The following SLC2A13 variants were observed in gnomAD, a reference collection of about 807,000 sequenced individuals.
SLC2A13 encodes the protein proton myo-inositol cotransporter.
Under a neutral mutation model 64.4 loss-of-function variants are expected in SLC2A13, and 32 were observed. The ratio of observed to expected loss-of-function variants is 0.50; its 90% CI spans 0.37 to 0.67. The LOEUF is 0.67. SLC2A13 is among the 30% of genes least tolerant of loss of function. The probability of loss-of-function intolerance (pLI) is 0.00; values close to 1 mark genes in which losing one functional copy is unlikely to be tolerated. For missense variants in SLC2A13, 743 were observed against 829.2 expected (o/e 0.90, Z 1.28); for synonymous variants, 338 against 327.1 (o/e 1.03, Z -0.36).
chr12:39,909,860 T>C (rs568196237), intron 4 of SLC2A13, among the ~76,000 whole-genome samples: 3 of 130,234 alleles, frequency 2.3e-5, no homozygotes, highest in Non-Finnish European at 4.7e-5. Context: ...TTACAGTTTG[T>C]TTTTTTTTTT....
chr12:39,811,863 T>C (rs1230033518), intron 7 of SLC2A13, among the ~76,000 whole-genome samples: 1 of 152,228 alleles, frequency 6.6e-6, no homozygotes, highest in East Asian at 1.9e-4. Flanking sequence ...GCATTTGTTT[T>C]CATGTCTAAT....
intron 1 of SLC2A13, among the ~76,000 whole-genome samples, chr12:40,074,666 T>C (rs17442353): frequency 0.04 from 6,036 of 152,308 alleles, 160 homozygotes; most frequent in Non-Finnish European, 0.055. Context: ...CTGAGTTTGA[T>C]TCTGATGTTT....
rs547101572 is a variant in SLC2A13 at position 40,039,073 on chromosome 12, C to G, written c.716+8978G>C. Among the ~76,000 whole-genome samples the G allele has an allele frequency of 1.1e-3, 160 of 152,318 alleles. 1 individual carries two copies. Among genetic ancestry groups the G allele is most frequent in the Non-Finnish European group, 1.7e-3 (114 of 68,028 alleles). ...TAAGTGCATTCACACTGCTGGCTAA[C>G]TGCCAGCTGATAATTTTTGCTTCAT... On this transcript the variant is annotated intron_variant, in intron 2 of 9. Coordinates refer to ENST00000280871, the MANE Select transcript of SLC2A13 (RefSeq NM_052885.4).
At chr12:39,996,629 C>T (rs1947235733) in intron 3 of SLC2A13, among the ~76,000 whole-genome samples, 1 of 152,162 alleles carries the variant, frequency 6.6e-6, no homozygotes, top group South Asian at 2.1e-4. Context: ...CCACTTGGTG[C>T]CCTGTATTCC....
intron 1 of SLC2A13, among the ~76,000 whole-genome samples, chr12:40,101,720 A>T (rs1565628270): frequency 6.6e-6 from 1 of 152,044 alleles, no homozygotes; most frequent in Admixed American, 6.5e-5. Flanking sequence ...ACCCTCACTC[A>T]TCTATGCTTC....
intron 3 of SLC2A13, among the ~76,000 whole-genome samples, chr12:39,976,724 T>G (rs893008261): frequency 1.3e-5 from 2 of 152,204 alleles, no homozygotes; most frequent in African/African-American, 4.8e-5. Flanking sequence ...ATCATCAGTA[T>G]GTCATTTTTG....
chr12:39,832,589 C>G (rs1454762288), intron 6 of SLC2A13, among the ~76,000 whole-genome samples: 2 of 151,984 alleles, frequency 1.3e-5, no homozygotes, highest in African/African-American at 4.8e-5. Flanking sequence ...TTCCTGTGAC[C>G]TACTATGTGC....
At chr12:39,926,902 A>G (rs1230001051) in intron 4 of SLC2A13, among the ~76,000 whole-genome samples, 1 of 152,224 alleles carries the variant, frequency 6.6e-6, no homozygotes, top group Non-Finnish European at 1.5e-5. Context: ...GACGTGAGCC[A>G]CCTGCATCCA....
chr12:39,805,966 A>G (rs963636481), intron 7 of SLC2A13, among the ~76,000 whole-genome samples: 1 of 152,196 alleles, frequency 6.6e-6, no homozygotes, highest in African/African-American at 2.4e-5. Context: ...CTATTCATTA[A>G]ACACTTTCCT....
Position 39,953,991 on chromosome 12 carries a change from T to A in SLC2A13, c.926-2626A>T, listed in dbSNP as rs1450616867. Among the ~76,000 whole-genome samples, 3 of 152,184 alleles carry A rather than the reference T, an allele frequency of 2.0e-5. No individual in the cohort carries two copies. In the East Asian group the frequency reaches 5.8e-4, roughly 29 times the overall value. Reference sequence around the variant, plus strand: ...TGATTAAAAATGCACTAAAAGCCAGTTTGTATAAAATTCCAGCTCTTGACT... The same window carrying A: ...TGATTAAAAATGCACTAAAAGCCAGATTGTATAAAATTCCAGCTCTTGACT... On this transcript the variant is annotated intron_variant, in intron 3 of 9. Transcript: ENST00000280871.
Position 39,813,683 on chromosome 12 carries a change from T to C in SLC2A13, c.1445+16420A>G, listed in dbSNP as rs1282709747. ...CAAATAAGGCCCATTCCTTGCCAAC[T>C]GTCTGTTTTTATTGGAGTAGTGGGG... is the stretch of plus-strand genomic sequence containing the variant. On this transcript the variant is annotated intron_variant, in intron 7 of 9. Coordinates refer to ENST00000280871, the MANE Select transcript of SLC2A13 (RefSeq NM_052885.4). 2.6e-5 allele frequency among the ~76,000 whole-genome samples: 4 copies of C among 152,224 alleles called. No homozygotes were observed. In the East Asian group the frequency reaches 7.7e-4, roughly 29 times the overall value.
intron 1 of SLC2A13, among the ~76,000 whole-genome samples, chr12:40,080,069 C>T (rs565791841): frequency 1.3e-5 from 2 of 152,278 alleles, no homozygotes; most frequent in South Asian, 4.1e-4. Context: ...ACCATGTTGG[C>T]CAGGCTGGTC....
At chr12:39,977,846 C>T (rs1946792149) in intron 3 of SLC2A13, among the ~76,000 whole-genome samples, 1 of 152,232 alleles carries the variant, frequency 6.6e-6, no homozygotes, top group Admixed American at 6.5e-5. Flanking sequence ...CAAGTTGTGG[C>T]TCAATCCAGG....
At chr12:40,001,062 T>A (rs1338254499) in intron 3 of SLC2A13, among the ~76,000 whole-genome samples, 1 of 152,232 alleles carries the variant, frequency 6.6e-6, no homozygotes, top group African/African-American at 2.4e-5. Flanking sequence ...TTTTAGCATA[T>A]GTAAACATCA....
rs1939966234 is a variant in SLC2A13, at chr12:39,756,263, A to G, written c.*3763T>C. The G allele has an allele frequency of 6.6e-6, 1 of 151,952 alleles. No homozygotes were observed. Among genetic ancestry groups the G allele is most frequent in the Non-Finnish European group, 1.5e-5 (1 of 67,778 alleles). 9.4% of individuals were successfully genotyped at this position (151,952 alleles called of 1,614,324 possible). On this transcript the variant is annotated 3_prime_UTR_variant, in exon 10 of 10. Transcript: ENST00000280871. ...TTTAATACATTTTGCTATAAAGCAC[A>G]TATTATAAATTCTCTGCTCCTGGTC...
At chr12:39,841,739 A>G (rs555895110) in intron 6 of SLC2A13, among the ~76,000 whole-genome samples, 159 of 152,114 alleles carry the variant, frequency 1.0e-3, no homozygotes, top group African/African-American at 3.7e-3. Flanking sequence ...TTTTTCAGAG[A>G]AAAAAACAGT....
intron 4 of SLC2A13, among the ~76,000 whole-genome samples, chr12:39,897,276 C>G (rs11174182): frequency 6.6e-6 from 1 of 152,108 alleles, no homozygotes; most frequent in Admixed American, 6.6e-5. Flanking sequence ...TTTAAAAGAA[C>G]GTGGTTATGC....
Position 39,757,581 on chromosome 12 carries a change from CTG to C in SLC2A13, c.*2443_*2444del, listed in dbSNP as rs1213656032. ...TAAATAATTCTTATACTGTGCCTCTCTGTCTTATACTTCAAAGATATGGAATA... is the reference window on the plus strand; with the variant it reads ...TAAATAATTCTTATACTGTGCCTCTCTCTTATACTTCAAAGATATGGAATA... On this transcript the variant is annotated 3_prime_UTR_variant, in exon 10 of 10. Coordinates refer to ENST00000280871, the MANE Select transcript of SLC2A13 (RefSeq NM_052885.4). 1.3e-5 allele frequency: 2 copies of C among 151,636 alleles called. No homozygotes were observed. The highest frequency in any genetic ancestry group is 3.0e-5 in the Non-Finnish European group (2 of 67,652). The allele number at this position is 151,636 out of a possible 1,614,324, so 9.4% of individuals were successfully genotyped here. A position where few individuals can be genotyped will look rare whatever the true frequency, so the allele number is the denominator to read the frequency against.
intron 9 of SLC2A13, among the ~76,000 whole-genome samples, chr12:39,764,158 A>G (rs1940263342): frequency 6.6e-6 from 1 of 152,008 alleles, no homozygotes; most frequent in African/African-American, 2.4e-5. Flanking sequence ...CTGTGAAACT[A>G]AAAGCTATGG....
Sources: allele counts gnomAD v4.1 joint callset (sites outside exome capture counted in the v4.1 genomes callset), GRCh38; gene constraint gnomAD v4.1.1; transcripts MANE v1.5; gene names NCBI Gene and HGNC (gene_info 2026-07-23, HGNC 2026-07-21).